The following STX8 variants were observed in gnomAD, a reference collection of about 807,000 sequenced individuals.
STX8 encodes the protein syntaxin 8, also known as syntaxin-8.
In STX8, 23 loss-of-function variants were observed where a neutral mutation model predicts 37.5. The ratio of observed to expected loss-of-function variants is 0.61; its 90% CI spans 0.44 to 0.87. The LOEUF (loss-of-function observed/expected upper bound fraction) is 0.87. Ranked by LOEUF, STX8 falls within the 40% of genes least tolerant of loss-of-function variation. The pLI, the probability that STX8 is intolerant of heterozygous loss-of-function variation, is 0.00. For missense variants in STX8, 313 were observed against 284.7 expected (o/e 1.10, Z -0.71); for synonymous variants, 115 against 99.1 (o/e 1.16, Z -0.95).
intron 7 of STX8, among the ~76,000 whole-genome samples, chr17:9,318,644 CA>C (rs1417578761): frequency 2.0e-5 from 3 of 152,110 alleles, no homozygotes; most frequent in African/African-American, 7.2e-5. Context: ...GAGTTCTCAT[CA>C]GTACTGGAGA....
intron 5 of STX8, among the ~76,000 whole-genome samples, chr17:9,492,379 A>C (rs1906892300): frequency 6.6e-6 from 1 of 152,186 alleles, no homozygotes; most frequent in Non-Finnish European, 1.5e-5. Flanking sequence ...ATTAAAAAGA[A>C]TGACAATACC....
chr17:9,389,590 T>C (rs1287023889), intron 6 of STX8, among the ~76,000 whole-genome samples: 1 of 152,206 alleles, frequency 6.6e-6, no homozygotes, highest in Non-Finnish European at 1.5e-5. Flanking sequence ...CTTCATCATT[T>C]TTCTACTCTC....
At chr17:9,288,183 G>GAA (rs549489976) in intron 7 of STX8, among the ~76,000 whole-genome samples, 17,647 of 84,526 alleles carry the variant, frequency 0.21, 1,543 homozygotes, top group Middle Eastern at 0.29. Flanking sequence ...CCTTCCCCCT[G>GAA]AAAAAAAAAA....
At chr17:9,453,833 G>C (rs995301852) in intron 6 of STX8, among the ~76,000 whole-genome samples, 6 of 152,044 alleles carry the variant, frequency 3.9e-5, no homozygotes, top group African/African-American at 1.5e-4. Flanking sequence ...ACTATGTGTT[G>C]AGTTAATAAA....
intron 6 of STX8, among the ~76,000 whole-genome samples, chr17:9,418,922 CTTTTTTTTTT>C (rs1199002351): frequency 0.026 from 2,904 of 110,702 alleles, 48 homozygotes; most frequent in South Asian, 0.059. Flanking sequence ...CTTTTTTTTT[CTTTTTTTTTT>C]TTTTTTAAAG....
intron 7 of STX8, among the ~76,000 whole-genome samples, chr17:9,331,309 A>T (rs1179222497): frequency 6.6e-6 from 1 of 152,088 alleles, no homozygotes; most frequent in Non-Finnish European, 1.5e-5. Context: ...GATTTTTCAC[A>T]TCCCTCCCTC....
At chr17:9,518,051 C>T (rs1212745412) in intron 4 of STX8, among the ~76,000 whole-genome samples, 1 of 151,330 alleles carries the variant, frequency 6.6e-6, no homozygotes, top group East Asian at 1.9e-4. Flanking sequence ...ATAACTTATC[C>T]TCCTATTATC....
intron 6 of STX8, among the ~76,000 whole-genome samples, chr17:9,491,337 C>T (rs777490755): frequency 6.6e-6 from 1 of 152,056 alleles, no homozygotes; most frequent in South Asian, 2.1e-4. Context: ...ACGTCTTAAA[C>T]ACTCCCCAAT....
chr17:9,457,993 G>C (rs1042404410), intron 6 of STX8, among the ~76,000 whole-genome samples: 1 of 152,118 alleles, frequency 6.6e-6, no homozygotes, highest in Non-Finnish European at 1.5e-5. Context: ...TACCAAGAAG[G>C]GCAGAAAGTT....
chr17:9,411,267 T>C (rs555145025), intron 6 of STX8, among the ~76,000 whole-genome samples: 1 of 152,224 alleles, frequency 6.6e-6, no homozygotes, highest in Non-Finnish European at 1.5e-5. Flanking sequence ...ATGTTCTCAA[T>C]GTCTCTCTGA....
intron 7 of STX8, among the ~76,000 whole-genome samples, chr17:9,366,183 T>C (rs575894995): frequency 3.9e-5 from 6 of 152,328 alleles, no homozygotes; most frequent in African/African-American, 1.4e-4. Flanking sequence ...TTCGAATCTA[T>C]TTCCCACTGC....
At chr17:9,449,435 C>T (rs952946597) in intron 6 of STX8, among the ~76,000 whole-genome samples, 5 of 152,218 alleles carry the variant, frequency 3.3e-5, no homozygotes, top group African/African-American at 1.2e-4. Flanking sequence ...CGGCGGGCGC[C>T]TGTAGTCCCA....
chr17:9,300,835 T>C (rs1908748576), intron 7 of STX8, among the ~76,000 whole-genome samples: 2 of 137,800 alleles, frequency 1.5e-5, no homozygotes, highest in Non-Finnish European at 3.2e-5. Flanking sequence ...TTGTTCTTTT[T>C]TTTTTTTTTT....
chr17:9,486,570 G>C (rs1014855247), intron 6 of STX8, among the ~76,000 whole-genome samples: 2 of 152,136 alleles, frequency 1.3e-5, no homozygotes, highest in African/African-American at 4.8e-5. Context: ...AAAAAGCTCT[G>C]CTGCGGGTGG....
At chr17:9,512,136 G>T (rs1222053259) in intron 4 of STX8, among the ~76,000 whole-genome samples, 1 of 152,124 alleles carries the variant, frequency 6.6e-6, no homozygotes, top group African/African-American at 2.4e-5. Flanking sequence ...TGGATTGGAA[G>T]AATTAATATT....
At chr17:9,519,970 G>A (rs1237812058) in intron 4 of STX8, among the ~76,000 whole-genome samples, 1 of 152,126 alleles carries the variant, frequency 6.6e-6, no homozygotes, top group Non-Finnish European at 1.5e-5. Flanking sequence ...CCTCTAACGT[G>A]GCATTTATCA....
chr17:9,352,466 C>CTT (rs745427686), intron 7 of STX8, among the ~76,000 whole-genome samples: 1,906 of 88,078 alleles, frequency 0.022, 142 homozygotes, highest in African/African-American at 0.082. Context: ...CTTACTCCCA[C>CTT]TTTTTTTTTT....
At chr17:9,310,168 C>T (rs368281505) in intron 7 of STX8, among the ~76,000 whole-genome samples, 1 of 151,670 alleles carries the variant, frequency 6.6e-6, no homozygotes, top group East Asian at 1.9e-4. Flanking sequence ...AACATACAAA[C>T]ACACACACAA....
chr17:9,268,989 C>T (rs1907339658), intron 7 of STX8, among the ~76,000 whole-genome samples: 1 of 152,104 alleles, frequency 6.6e-6, no homozygotes, highest in African/African-American at 2.4e-5. Context: ...AGATCGAGAC[C>T]ATCCTGGCTA....
Sources: gnomAD v4.1 joint callset for allele counts (sites outside exome capture counted in the v4.1 genomes callset) on GRCh38, gnomAD v4.1.1 for gene constraint, MANE v1.5 for transcripts, NCBI Gene and HGNC (gene_info 2026-07-23, HGNC 2026-07-21) for gene names.